PLEKHG4B: variants seen among roughly 807,000 people sequenced by gnomAD.
PLEKHG4B encodes pleckstrin homology and RhoGEF domain containing G4B.
A neutral mutation model predicts 121.3 loss-of-function variants in PLEKHG4B; 111 were observed. The ratio of observed to expected loss-of-function variants is 0.92; its 90% CI spans 0.78 to 1.07. PLEKHG4B has a LOEUF of 1.07. Among genes scored for constraint, PLEKHG4B ranks in the 50% least tolerant of loss-of-function variants. PLEKHG4B has a pLI of 0.00. For synonymous variants in PLEKHG4B, 738 were observed against 725.0 expected (o/e 1.02, Z -0.29); for missense variants, 1,831 against 1,757.8 (o/e 1.04, Z -0.74).
intron 1 of PLEKHG4B, among the ~76,000 whole-genome samples, chr5:111,406 A>G (rs1227579352): frequency 6.6e-6 from 1 of 152,190 alleles, no homozygotes; most frequent in Non-Finnish European, 1.5e-5. Flanking sequence ...GTCACCATGG[A>G]ATCAGGCAGA....
intron 8 of PLEKHG4B, 39 bp from the exon 9 acceptor site, chr5:155,306 C>T: frequency 6.5e-7 from 1 of 1,534,380 alleles, no homozygotes; most frequent in Non-Finnish European, 9.0e-7. Context: ...ATTTAACAGA[C>T]TGTGTTCTTA....
chr5:125,370 T>G (rs968451368), intron 2 of PLEKHG4B, among the ~76,000 whole-genome samples: 1 of 152,230 alleles, frequency 6.6e-6, no homozygotes, highest in African/African-American at 2.4e-5. Flanking sequence ...ATTTTCCTTT[T>G]GATTACCATG....
chr5:162,443 A>T (rs1736047217), intron 12 of PLEKHG4B, among the ~76,000 whole-genome samples: 1 of 144,502 alleles, frequency 6.9e-6, no homozygotes, highest in African/African-American at 2.6e-5. Flanking sequence ...AGCTCACAGG[A>T]TGTGGCATAA....
chr5:142,975 G>A (rs1258541333), intron 3 of PLEKHG4B, 72 bp from the exon 4 acceptor site: 22 of 1,411,412 alleles, frequency 1.6e-5, no homozygotes, highest in Middle Eastern at 1.8e-4. Flanking sequence ...TTCATAGCAA[G>A]CTGAGCATAG....
At chr5:180,026 C>T (rs932547580) in intron 18 of PLEKHG4B, among the ~76,000 whole-genome samples, 1 of 152,192 alleles carries the variant, frequency 6.6e-6, no homozygotes, top group Non-Finnish European at 1.5e-5. Flanking sequence ...CTGTCTGAGA[C>T]GTCCAAACCT....
intron 2 of PLEKHG4B, among the ~76,000 whole-genome samples, chr5:128,916 C>T (rs1734698608): frequency 1.3e-5 from 2 of 152,228 alleles, no homozygotes; most frequent in Admixed American, 6.5e-5. Context: ...AGGGAGGGGT[C>T]GGACAGGCCT....
At chr5:164,581 A>C (rs1233360820) in intron 13 of PLEKHG4B, among the ~76,000 whole-genome samples, 2 of 101,258 alleles carry the variant, frequency 2.0e-5, no homozygotes, top group Admixed American at 8.7e-5. Context: ...CGGAGCTCAC[A>C]CAGTAATGCT....
At chr5:135,050 A>G (rs903785890) in intron 2 of PLEKHG4B, among the ~76,000 whole-genome samples, 1 of 151,452 alleles carries the variant, frequency 6.6e-6, no homozygotes, top group African/African-American at 2.4e-5. Flanking sequence ...TTAGCTGGGC[A>G]TGGTGGCGGG....
rs1735912803 is a variant in PLEKHG4B, at chr5:159,258, TCGCCCAGG to T, written c.2487+2348_2487+2355del. Among the ~76,000 whole-genome samples, 1 of 150,820 alleles carries T rather than the reference TCGCCCAGG, an allele frequency of 6.6e-6. No individual in the cohort carries two copies. Among genetic ancestry groups the T allele is most frequent in the Non-Finnish European group, 1.5e-5 (1 of 67,770 alleles). On this transcript the variant is annotated intron_variant, in intron 11 of 19. Coordinates refer to ENST00000637938, the MANE Select transcript of PLEKHG4B (RefSeq NM_052909.5). This position sits in a 1 kb window ranked among gnomAD's most constrained non-coding sequence, Gnocchi z 5.5. ...CACTGAGGGCAGGTGTGCCTGAGGG[TCGCCCAGG>T]TGCACTGAGGGCAGGTGTGCCTGAG...
At position 139,209 on chromosome 5, in the gene PLEKHG4B, C is replaced by G. The variant is rs1168015833; in HGVS notation, c.244-274C>G. ...GCTGTGGCTGTGGCCCTCGAGTGGC[C>G]TCCTCTCCCCTGTCCTGCCCACCTA... On this transcript the variant is annotated intron_variant, in intron 2 of 19. Transcript: ENST00000637938. The surrounding 1 kb of genome is among the most constrained non-coding windows in gnomAD (Gnocchi z 5.0). 6.6e-6 allele frequency among the ~76,000 whole-genome samples: 1 copy of G among 152,200 alleles called. No individual in the cohort carries two copies. Among genetic ancestry groups the G allele is most frequent in the Non-Finnish European group, 1.5e-5 (1 of 68,036 alleles).
At chr5:132,849 T>C (rs1734818483) in intron 2 of PLEKHG4B, among the ~76,000 whole-genome samples, 2 of 152,216 alleles carry the variant, frequency 1.3e-5, no homozygotes, top group South Asian at 4.1e-4. Flanking sequence ...TTTGTTCTTT[T>C]TGCTTAGTCT....
chr5:104,867 C>A (rs1733928046), intron 1 of PLEKHG4B, among the ~76,000 whole-genome samples: 1 of 152,262 alleles, frequency 6.6e-6, no homozygotes, highest in Non-Finnish European at 1.5e-5. Flanking sequence ...AAATTACAAC[C>A]TTCCTGCTGT....
intron 3 of PLEKHG4B, among the ~76,000 whole-genome samples, 163 bp downstream of exon 3, chr5:140,879 C>A (rs1321184546): frequency 1.6e-5 from 1 of 62,154 alleles, no homozygotes; most frequent in African/African-American, 9.1e-5. Flanking sequence ...CCCCTGCACA[C>A]CCCCACCCCT....
intron 2 of PLEKHG4B, among the ~76,000 whole-genome samples, chr5:130,755 A>C (rs1734755541): frequency 6.6e-6 from 1 of 152,234 alleles, no homozygotes; most frequent in African/African-American, 2.4e-5. Context: ...CGCTTAGAGA[A>C]GACATCAAAA....
intron 1 of PLEKHG4B, among the ~76,000 whole-genome samples, chr5:104,249 G>A (rs545658136): frequency 6.9e-6 from 1 of 144,646 alleles, no homozygotes; most frequent in African/African-American, 2.6e-5. Flanking sequence ...TCCCAGCACC[G>A]ATTCCTAAAC....
At chr5:100,141 T>C (rs1045601120) in intron 1 of PLEKHG4B, among the ~76,000 whole-genome samples, 5 of 152,188 alleles carry the variant, frequency 3.3e-5, no homozygotes, top group Non-Finnish European at 7.3e-5. Flanking sequence ...TTGTGGAAGA[T>C]TTAGAACTAA....
At chr5:112,237 C>T (rs1218617780) in intron 1 of PLEKHG4B, among the ~76,000 whole-genome samples, 5 of 152,150 alleles carry the variant, frequency 3.3e-5, no homozygotes, top group South Asian at 2.1e-4. Flanking sequence ...CCCTGAGTCA[C>T]GCAGTTTCCA....
Position 182,256 on chromosome 5 carries a change from C to A in PLEKHG4B, c.4817C>A (p.Thr1606Lys). The A allele has an allele frequency of 6.2e-7, 1 of 1,613,396 alleles. No homozygotes were observed. Residue 1606 changes from threonine to lysine, a missense_variant, in exon 20 of 20, where the codon ACG (threonine) becomes AAG (lysine). Coordinates refer to ENST00000637938, the MANE Select transcript of PLEKHG4B (RefSeq NM_052909.5). ...EEDEPEPELE[T>K]GTQAAVCEGA... ...GATGAGCCAGAGCCAGAACTAGAGA[C>A]GGGCACCCAGGCTGCAGTGTGTGAG...
chr5:97,628 C>T (rs904481218), intron 1 of PLEKHG4B, among the ~76,000 whole-genome samples: 2 of 152,178 alleles, frequency 1.3e-5, no homozygotes, highest in South Asian at 2.1e-4. Flanking sequence ...GTCGGTATTT[C>T]GTATCTTTTC....
Sources: allele counts gnomAD v4.1 joint callset (sites outside exome capture counted in the v4.1 genomes callset), GRCh38; gene constraint gnomAD v4.1.1; non-coding constraint Gnocchi (gnomAD v3.1); transcripts MANE v1.5; gene names NCBI Gene and HGNC (gene_info 2026-07-23, HGNC 2026-07-21).